The following GFM2 variants were observed in gnomAD, a reference collection of about 807,000 sequenced individuals.
GFM2 encodes the protein GTP dependent ribosome recycling factor mitochondrial 2.
In GFM2, 72 loss-of-function variants were observed where a neutral mutation model predicts 95.4. That is an observed-to-expected ratio of 0.76 (90% CI 0.62 to 0.92). The LOEUF (loss-of-function observed/expected upper bound fraction) is 0.92, where lower values mean the gene tolerates loss of function less well. GFM2 is among the 40% of genes least tolerant of loss of function. GFM2 has a pLI of 0.00. For synonymous variants in GFM2, 276 were observed against 317.5 expected (o/e 0.87, Z 1.39); for missense variants, 825 against 924.1 (o/e 0.89, Z 1.39).
At chr5:74,723,133 C>A (rs1248922202) in intron 19 of GFM2, among the ~76,000 whole-genome samples, 1 of 152,124 alleles carries the variant, frequency 6.6e-6, no homozygotes, top group Non-Finnish European at 1.5e-5. Flanking sequence ...AGATTGAATT[C>A]TGCATATCTA....
At chr5:74,755,137 A>T (rs1743916659) in intron 5 of GFM2, among the ~76,000 whole-genome samples, 1 of 152,174 alleles carries the variant, frequency 6.6e-6, no homozygotes, top group Non-Finnish European at 1.5e-5. Flanking sequence ...TAGAACAAAA[A>T]GACTTAATAA....
chr5:74,764,485 TTA>T (rs1322867776), intron 1 of GFM2, among the ~76,000 whole-genome samples: 1 of 152,198 alleles, frequency 6.6e-6, no homozygotes. Context: ...TCTTAAAATA[TTA>T]TGAGGTTTTT....
chr5:74,750,756 T>A (rs1391516194), intron 6 of GFM2, 89 bp from the exon 7 acceptor site: 2 of 845,294 alleles, frequency 2.4e-6, no homozygotes, highest in Non-Finnish European at 3.9e-6. Context: ...TGGGGAGGGG[T>A]GTGTGTGTAT....
chr5:74,760,309 C>T (rs1467017376), intron 3 of GFM2, among the ~76,000 whole-genome samples: 1 of 152,092 alleles, frequency 6.6e-6, no homozygotes, highest in African/African-American at 2.4e-5. Context: ...AAGTCAACAG[C>T]CAATCAGTAT....
At chr5:74,763,579 A>T in intron 2 of GFM2, 101 bp downstream of exon 2, 2 of 639,212 alleles carry the variant, frequency 3.1e-6, no homozygotes, top group East Asian at 5.2e-5. Context: ...TTATGACTCA[A>T]CTAAATTTGG....
intron 7 of GFM2, among the ~76,000 whole-genome samples, chr5:74,749,105 C>G (rs1743562366): frequency 6.6e-6 from 1 of 151,840 alleles, no homozygotes; most frequent in Non-Finnish European, 1.5e-5. Context: ...AACCTCCCTG[C>G]TGGGCTCAAG....
intron 3 of GFM2, 77 bp from the exon 4 acceptor site, chr5:74,759,503 ATAACTT>A (rs1241297922): frequency 1.3e-6 from 1 of 779,638 alleles, no homozygotes; most frequent in African/African-American, 1.8e-5. Flanking sequence ...AGACTTTAAA[ATAACTT>A]TAAGCAAATA....
intron 1 of GFM2, chr5:74,765,204 TA>T: frequency 1.1e-6 from 1 of 904,258 alleles, no homozygotes; most frequent in South Asian, 3.2e-5. Context: ...AATAAAAAGA[TA>T]ATTTGCACAA....
chr5:74,738,726 A>G lies in GFM2; in HGVS notation c.1080-84T>C, dbSNP rs1742966074. On this transcript the variant is annotated intron_variant, in intron 12 of 20. Coordinates refer to ENST00000296805, the MANE Select transcript of GFM2 (RefSeq NM_032380.5). The stretch of plus-strand genomic sequence containing the variant: ...TTAACCTTAATGTCCCCAAAGATCT[A>G]TTTTATCTTCTAGTAGAGCTACTTA... The G allele has an allele frequency of 2.2e-6, 3 of 1,334,394 alleles. No individual in the cohort carries two copies. In the South Asian group the frequency reaches 4.4e-5, roughly 19 times the overall value. 82.7% of individuals were successfully genotyped at this position (1,334,394 alleles called of 1,614,324 possible). A position where few individuals can be genotyped will look rare whatever the true frequency, so the allele number is the denominator to read the frequency against.
chr5:74,733,479 A>T (rs565809890), intron 15 of GFM2: 1 of 154,896 alleles, frequency 6.5e-6, no homozygotes, highest in Admixed American at 6.5e-5. Flanking sequence ...AAATGAACAA[A>T]CTATAAGCAA....
intron 15 of GFM2, among the ~76,000 whole-genome samples, chr5:74,735,066 G>A (rs1579982951): frequency 6.6e-6 from 1 of 152,154 alleles, no homozygotes; most frequent in African/African-American, 2.4e-5. Context: ...GGCAGCCCCT[G>A]CTCTTAAATG....
chr5:74,736,627 G>A, intron 15 of GFM2, 169 bp downstream of exon 15: 1 of 1,434,478 alleles, frequency 7.0e-7, no homozygotes, highest in South Asian at 1.5e-5. Context: ...GAAGGCATTT[G>A]TAAAAATCAA....
intron 5 of GFM2, among the ~76,000 whole-genome samples, chr5:74,757,547 ACT>A (rs565384248): frequency 5.0e-4 from 76 of 152,016 alleles, no homozygotes; most frequent in South Asian, 3.9e-3. Flanking sequence ...TGAGCAACAC[ACT>A]GAGGCCCTGT....
intron 20 of GFM2, 33 bp downstream of exon 20, chr5:74,722,346 A>C (rs1749937594): frequency 1.9e-6 from 3 of 1,547,224 alleles, no homozygotes; most frequent in Non-Finnish European, 2.7e-6. Context: ...TGAATTAAGA[A>C]GAATATGTAC....
intron 2 of GFM2, 25 bp downstream of exon 2, chr5:74,763,655 A>G: frequency 7.3e-7 from 1 of 1,369,466 alleles, no homozygotes; most frequent in East Asian, 2.3e-5. Flanking sequence ...GTTAAAGGAC[A>G]CTTAATTTTA....
At chr5:74,728,857 G>C (rs1256693045) in intron 17 of GFM2, among the ~76,000 whole-genome samples, 1 of 138,508 alleles carries the variant, frequency 7.2e-6, no homozygotes, top group Non-Finnish European at 1.5e-5. Context: ...TGGGATTCAA[G>C]CAATTCTCCT....
chr5:74,745,652 T>G (rs1419885764), intron 10 of GFM2, 26 bp downstream of exon 10: 8 of 1,563,994 alleles, frequency 5.1e-6, no homozygotes, highest in Non-Finnish European at 6.1e-6. Context: ...ACATTGGTGT[T>G]CATTTTATCA....
intron 7 of GFM2, among the ~76,000 whole-genome samples, chr5:74,748,414 C>T (rs1000284667): frequency 6.6e-6 from 1 of 152,202 alleles, no homozygotes; most frequent in Non-Finnish European, 1.5e-5. Flanking sequence ...TCCCTGTCTC[C>T]TATAAGCAAC....
chr5:74,752,001 A>G (rs1445876435), intron 5 of GFM2, among the ~76,000 whole-genome samples: 1 of 152,170 alleles, frequency 6.6e-6, no homozygotes, highest in African/African-American at 2.4e-5. Context: ...GAGACAATAT[A>G]TATAAAGTAC....
Sources: gnomAD v4.1 joint callset for allele counts (sites outside exome capture counted in the v4.1 genomes callset) on GRCh38, gnomAD v4.1.1 for gene constraint, MANE v1.5 for transcripts, NCBI Gene and HGNC (gene_info 2026-07-23, HGNC 2026-07-21) for gene names.